The following MME variants were observed in gnomAD, a reference collection of about 807,000 sequenced individuals.
MME encodes the protein neprilysin.
In MME, 98 loss-of-function variants were observed where a neutral mutation model predicts 113.2. The observed-to-expected ratio is 0.87, with a 90% CI of 0.74 to 1.02. MME has a LOEUF of 1.02. Among genes scored for constraint, MME ranks in the 50% least tolerant of loss-of-function variants. The pLI is 0.00. For synonymous variants in MME, 292 were observed against 300.6 expected (o/e 0.97, Z 0.30); for missense variants, 836 against 896.0 (o/e 0.93, Z 0.86).
At chr3:155,159,090 ATCAG>A (rs1276917365) in intron 16 of MME, 1 of 152,124 alleles carries the variant, frequency 6.6e-6, no homozygotes, top group Non-Finnish European at 1.5e-5. Context: ...CTTAGAATTT[ATCAG>A]TCAGTTGTTA....
intron 18 of MME, 112 bp downstream of exon 18, chr3:155,167,133 C>T: frequency 7.3e-7 from 1 of 1,366,898 alleles, no homozygotes; most frequent in South Asian, 1.2e-5. Context: ...TGTATCATTT[C>T]TCTAATTTTC....
chr3:155,036,262 C>A (rs573032831), intron 1 of MME, among the ~76,000 whole-genome samples: 11 of 152,304 alleles, frequency 7.2e-5, no homozygotes, highest in African/African-American at 2.2e-4. Flanking sequence ...TGTTTTAAAT[C>A]AACTTCGTTA....
rs1718664283 is a variant in MME at position 155,116,898 on chromosome 3, C to T, written c.566C>T (p.Ala189Val). The part of the protein sequence containing the change: ...GASWTAEKAI[A>V]QLNSKYGKKV... ...TCTTGGACAGCTGAAAAAGCTATTGCACAACTGAATTCTAAATATGGGAAA... is the reference window on the plus strand; with the variant it reads ...TCTTGGACAGCTGAAAAAGCTATTGTACAACTGAATTCTAAATATGGGAAA... The change falls in exon 7 of 23, where the codon GCA becomes GTA. Residue 189 changes from alanine to valine, a missense_variant. Physicochemically the swap from Ala to Val is moderately conservative, Grantham distance 64. Transcript: ENST00000360490. 6.2e-7 allele frequency: 1 copy of T among 1,611,834 alleles called. No individual in the cohort carries two copies. The highest frequency in any genetic ancestry group is 8.5e-7 in the Non-Finnish European group (1 of 1,178,388).
rs76555086 is a variant in MME at position 155,080,348 on chromosome 3, G to A, written c.-129G>A. The A allele has an allele frequency of 0.03, 4,649 of 152,460 alleles. 105 individuals are homozygous for A. Among genetic ancestry groups the A allele is most frequent in the Non-Finnish European group, 0.048 (3,275 of 68,184 alleles). 9.4% of individuals were successfully genotyped at this position (152,460 alleles called of 1,614,324 possible). A position where few individuals can be genotyped will look rare whatever the true frequency, so the allele number is the denominator to read the frequency against. On this transcript the variant is annotated 5_prime_UTR_variant, in exon 1 of 23. Transcript: ENST00000360490. ...TTCCCTGCGGCCTCTGCCTTGGGGAGTTATGTTTTGTTACCGAGATCCGCG... is the reference window on the plus strand; with the variant it reads ...TTCCCTGCGGCCTCTGCCTTGGGGAATTATGTTTTGTTACCGAGATCCGCG...
chr3:155,042,736 CTTTA>C (rs1260701173), intron 1 of MME, among the ~76,000 whole-genome samples: 1 of 151,448 alleles, frequency 6.6e-6, no homozygotes, highest in Middle Eastern at 3.4e-3. Flanking sequence ...CTTTCACTGA[CTTTA>C]TTTAATTATG....
At chr3:155,094,425 T>C (rs1484886388) in intron 3 of MME, among the ~76,000 whole-genome samples, 2 of 152,226 alleles carry the variant, frequency 1.3e-5, no homozygotes, top group Non-Finnish European at 2.9e-5. Flanking sequence ...ACCATAGGTA[T>C]AATGCACAGA....
chr3:155,134,423 G>A (rs1344298173), intron 8 of MME, among the ~76,000 whole-genome samples: 1 of 152,046 alleles, frequency 6.6e-6, no homozygotes, highest in Non-Finnish European at 1.5e-5. Context: ...AATTCACTTA[G>A]GATAATGACC....
At chr3:155,036,494 C>T (rs954124966) in intron 1 of MME, among the ~76,000 whole-genome samples, 2 of 152,098 alleles carry the variant, frequency 1.3e-5, no homozygotes, top group African/African-American at 4.8e-5. Flanking sequence ...TAATTGGTCT[C>T]TTCTAGCATT....
chr3:155,067,906 T>C (rs924900672), intron 1 of MME, among the ~76,000 whole-genome samples: 2 of 152,118 alleles, frequency 1.3e-5, no homozygotes, highest in Non-Finnish European at 2.9e-5. Context: ...TGCCACAGGA[T>C]TCGGCTATTG....
intron 20 of MME, among the ~76,000 whole-genome samples, chr3:155,171,511 G>A (rs1012625242): frequency 1.3e-5 from 2 of 152,156 alleles, no homozygotes; most frequent in African/African-American, 4.8e-5. Context: ...TAAGAATTAA[G>A]AGGATTTTCT....
intron 22 of MME, among the ~76,000 whole-genome samples, chr3:155,174,075 G>T (rs1027992872): frequency 6.6e-6 from 1 of 151,960 alleles, no homozygotes; most frequent in Non-Finnish European, 1.5e-5. Context: ...TATGCATTTT[G>T]TAATAGTTCC....
At chr3:155,133,058 A>ATAT (rs1399456952) in intron 8 of MME, among the ~76,000 whole-genome samples, 3 of 84,236 alleles carry the variant, frequency 3.6e-5, no homozygotes, top group African/African-American at 1.4e-4. Flanking sequence ...AAAAAAAAAA[A>ATAT]AAAAATATAT....
intron 22 of MME, among the ~76,000 whole-genome samples, chr3:155,174,764 A>G (rs549068524): frequency 1.3e-5 from 2 of 152,074 alleles, no homozygotes; most frequent in African/African-American, 4.8e-5. Flanking sequence ...AGCTTTATTT[A>G]TGTACTTTAA....
chr3:155,158,220 T>C (rs1466046734), intron 16 of MME: 3 of 152,100 alleles, frequency 2.0e-5, no homozygotes, highest in Non-Finnish European at 2.9e-5. Context: ...CCAAAAAATA[T>C]GCAACTGTTA....
chr3:155,109,505 A>G (rs900294900), intron 3 of MME, among the ~76,000 whole-genome samples: 2 of 152,318 alleles, frequency 1.3e-5, no homozygotes, highest in South Asian at 2.1e-4. Context: ...ATAGGTTGCC[A>G]TGATGTAAGC....
At chr3:155,116,811 T>C in intron 6 of MME, 52 bp downstream of exon 6, 16 of 1,562,862 alleles carry the variant, frequency 1.0e-5, no homozygotes, top group Non-Finnish European at 1.1e-5. Context: ...ATCTATGTTA[T>C]AATATCATTA....
chr3:155,099,748 A>G (rs1024518578), intron 3 of MME, among the ~76,000 whole-genome samples: 1 of 152,192 alleles, frequency 6.6e-6, no homozygotes, highest in Non-Finnish European at 1.5e-5. Flanking sequence ...TTATGGCTGC[A>G]TAGTATTCCA....
rs138848762 is a variant in MME at position 155,043,933 on chromosome 3, A to T, written c.-11+19609A>T. On this transcript the variant is annotated intron_variant, in intron 1 of 22. Transcript: ENST00000492661. Reference sequence around the variant, plus strand: ...AGCTTTTGCTATTTTAATGAGACTGATGAACTTTAATTAATTTAGCATTAA... The same window carrying T: ...AGCTTTTGCTATTTTAATGAGACTGTTGAACTTTAATTAATTTAGCATTAA... 1.1e-4 allele frequency among the ~76,000 whole-genome samples: 17 copies of T among 152,180 alleles called. No individual in the cohort carries two copies. In the East Asian group the frequency reaches 2.3e-3, roughly 21 times the overall value.
chr3:155,028,326 G>C (rs1210928270), intron 1 of MME, among the ~76,000 whole-genome samples: 1 of 152,206 alleles, frequency 6.6e-6, no homozygotes, highest in African/African-American at 2.4e-5. Flanking sequence ...ATGAGATTGG[G>C]TGGTTACCTT....
Sources: allele counts gnomAD v4.1 joint callset (sites outside exome capture counted in the v4.1 genomes callset), GRCh38; gene constraint gnomAD v4.1.1; transcripts MANE v1.5; gene names NCBI Gene and HGNC (gene_info 2026-07-23, HGNC 2026-07-21).